The following TTC3 variants were observed in gnomAD, a reference collection of about 807,000 sequenced individuals.
The protein encoded by TTC3 is E3 ubiquitin-protein ligase TTC3.
TTC3 carries 180 observed loss-of-function variants against 249.6 expected under a neutral mutation model. That is an observed-to-expected ratio of 0.72 (90% CI 0.64 to 0.82). The LOEUF is 0.82. Ranked by LOEUF, TTC3 falls within the 40% of genes least tolerant of loss-of-function variation. The pLI is 0.00. For missense variants in TTC3, 2,061 were observed against 2,398.4 expected, an observed-to-expected ratio of 0.86 and a Z score of 2.94; for synonymous variants, 717 against 805.0, an observed-to-expected ratio of 0.89 and a Z score of 1.85.
chr21:37,108,083 TC>T (rs999541313), intron 10 of TTC3: 33 of 198,178 alleles, frequency 1.7e-4, no homozygotes, highest in African/African-American at 7.3e-4. Flanking sequence ...AGACTCTGTC[TC>T]AAAAAAAACA....
chr21:37,146,406 C>A (rs560031836), intron 21 of TTC3, among the ~76,000 whole-genome samples: 1 of 152,194 alleles, frequency 6.6e-6, no homozygotes, highest in South Asian at 2.1e-4. Context: ...GTAGTCCCAG[C>A]TACTCAGGAG....
intron 1 of TTC3, among the ~76,000 whole-genome samples, chr21:37,080,159 C>T (rs1303602546): frequency 6.6e-6 from 1 of 152,092 alleles, no homozygotes; most frequent in African/African-American, 2.4e-5. Flanking sequence ...TAAACTTCCT[C>T]AAAGTTCATT....
In TTC3 at chr21:37,124,573, A is replaced by G. The variant is rs372262165; in HGVS notation, c.1110-46A>G. On this transcript the variant is annotated intron_variant, in intron 13 of 45. Transcript: ENST00000355666. The stretch of plus-strand genomic sequence containing the variant: ...TTGCTGCAACCTGTTCATTCAAAGG[A>G]TAACTTTCAAAAAATGTATAATAAT... The G allele has an allele frequency of 3.7e-5, 59 of 1,593,530 alleles. No individual in the cohort carries two copies. In the Middle Eastern group the frequency reaches 1.6e-3, roughly 43 times the overall value.
intron 10 of TTC3, among the ~76,000 whole-genome samples, chr21:37,104,890 A>G (rs982171844): frequency 8.5e-5 from 13 of 152,226 alleles, no homozygotes; most frequent in Admixed American, 2.0e-4. Context: ...GGAACTCCCC[A>G]GATGGTACTA....
chr21:37,091,915 A>G (rs2073329631), intron 7 of TTC3, among the ~76,000 whole-genome samples: 1 of 152,306 alleles, frequency 6.6e-6, no homozygotes, highest in Non-Finnish European at 1.5e-5. Context: ...GTTTTATTCT[A>G]TATTTTCTGT....
At chr21:37,119,047 T>C (rs951619559) in intron 11 of TTC3, among the ~76,000 whole-genome samples, 1 of 152,224 alleles carries the variant, frequency 6.6e-6, no homozygotes, top group Non-Finnish European at 1.5e-5. Flanking sequence ...TTTATTTTGC[T>C]GTTCATTATA....
chr21:37,131,891 C>G (rs1450939757), intron 16 of TTC3, among the ~76,000 whole-genome samples: 1 of 152,180 alleles, frequency 6.6e-6, no homozygotes, highest in Non-Finnish European at 1.5e-5. Flanking sequence ...GATTTTCTTA[C>G]TCTCACCAAC....
exon 33 of TTC3, chr21:37,166,018 T>C (rs113176173): frequency 2.8e-5 from 45 of 1,614,192 alleles, no homozygotes; most frequent in African/African-American, 2.1e-4. Context: ...TTTCTGAGGA[T>C]GGGCAACCCA....
intron 35 of TTC3, among the ~76,000 whole-genome samples, chr21:37,175,099 C>CA (rs11375399): frequency 0.59 from 76,409 of 129,908 alleles, 22,598 homozygotes; most frequent in East Asian, 0.79. Flanking sequence ...ACTAAAAATA[C>CA]AAAAAAAAAA....
At chr21:37,164,908 G>T (rs974145569) in intron 32 of TTC3, among the ~76,000 whole-genome samples, 2 of 152,070 alleles carry the variant, frequency 1.3e-5, no homozygotes, top group African/African-American at 2.4e-5. Flanking sequence ...TCCACCATAT[G>T]GCCCTTTCTT....
intron 27 of TTC3, 127 bp from the exon 28 acceptor site, chr21:37,156,528 A>G: frequency 8.5e-7 from 1 of 1,174,008 alleles, no homozygotes; most frequent in Non-Finnish European, 1.2e-6. Flanking sequence ...GTTCTCAACT[A>G]TTTAAATGTT....
intron 12 of TTC3, among the ~76,000 whole-genome samples, chr21:37,122,415 ATATAATATATATATATATATATTAT>A (rs1316930841): frequency 2.7e-5 from 2 of 74,192 alleles, no homozygotes; most frequent in Non-Finnish European, 2.8e-5. Flanking sequence ...ATATATATAT[ATATAATATATATATATATATATTAT>A]ATATATATAT....
intron 11 of TTC3, among the ~76,000 whole-genome samples, chr21:37,116,376 A>G (rs2076143637): frequency 6.6e-6 from 1 of 152,254 alleles, no homozygotes; most frequent in African/African-American, 2.4e-5. Context: ...TTTCAGCCAT[A>G]TCTGTATCAT....
intron 37 of TTC3, among the ~76,000 whole-genome samples, chr21:37,186,308 T>C (rs763893968): frequency 3.3e-5 from 5 of 152,244 alleles, no homozygotes; most frequent in Non-Finnish European, 5.9e-5. Context: ...CTTACGCACA[T>C]TCCCATCCCG....
At chr21:37,176,631 A>G (rs2082305727) in intron 35 of TTC3, among the ~76,000 whole-genome samples, 1 of 152,190 alleles carries the variant, frequency 6.6e-6, no homozygotes, top group Non-Finnish European at 1.5e-5. Context: ...TAAATCTATC[A>G]TTTATGAAGC....
At chr21:37,102,058 C>G (rs1048610854) in intron 10 of TTC3, among the ~76,000 whole-genome samples, 1 of 151,698 alleles carries the variant, frequency 6.6e-6, no homozygotes, top group Non-Finnish European at 1.5e-5. Context: ...ATGTTTTACA[C>G]TCAGGTTCAA....
rs1006152997 is a variant in TTC3, at chr21:37,074,994, G to T, written c.-12+1630G>T. 6.6e-5 allele frequency among the ~76,000 whole-genome samples: 10 copies of T among 151,958 alleles called. No homozygotes were observed. The South Asian group carries it at 1.9e-3, about 28-fold the overall frequency. ...TCTTTTTTTTTAAAGAAATAAAATTGCTCTCAGTTCCTTCCCCTCCTTTTC... is the reference window on the plus strand; with the variant it reads ...TCTTTTTTTTTAAAGAAATAAAATTTCTCTCAGTTCCTTCCCCTCCTTTTC... On this transcript the variant is annotated intron_variant, in intron 1 of 45. Coordinates refer to ENST00000355666, the Ensembl canonical transcript of TTC3.
chr21:37,143,400 G>GA (rs1175449967), intron 20 of TTC3, among the ~76,000 whole-genome samples: 3 of 151,700 alleles, frequency 2.0e-5, no homozygotes, highest in East Asian at 3.9e-4. Flanking sequence ...AAATTTACAA[G>GA]AAAAAAACAA....
intron 33 of TTC3, among the ~76,000 whole-genome samples, chr21:37,167,343 G>A (rs928352613): frequency 1.3e-5 from 2 of 152,036 alleles, no homozygotes; most frequent in African/African-American, 2.4e-5. Flanking sequence ...GAAAAAAATA[G>A]GTTAAGAGCA....
Sources: gnomAD v4.1 joint callset for allele counts (sites outside exome capture counted in the v4.1 genomes callset) on GRCh38, gnomAD v4.1.1 for gene constraint, MANE v1.5 for transcripts, NCBI Gene and HGNC (gene_info 2026-07-23, HGNC 2026-07-21) for gene names.